The following DISP3 variants were observed in gnomAD, a reference collection of about 807,000 sequenced individuals.
The protein encoded by DISP3 is dispatched RND transporter family member 3.
A neutral mutation model predicts 135.3 loss-of-function variants in DISP3; 101 were observed. The observed-to-expected ratio is 0.75, with a 90% CI of 0.64 to 0.88. The LOEUF (loss-of-function observed/expected upper bound fraction) is 0.88, where lower values mean the gene tolerates loss of function less well. DISP3 is among the 40% of genes least tolerant of loss of function. DISP3 has a pLI of 0.00. For missense variants in DISP3, 1,713 were observed against 1,878.6 expected (o/e 0.91, Z 1.63); for synonymous variants, 856 against 817.0 (o/e 1.05, Z -0.81).
chr1:11,481,225 T>G (rs1298229240), intron 1 of DISP3: 1 of 152,188 alleles, frequency 6.6e-6, no homozygotes, highest in African/African-American at 2.4e-5. Flanking sequence ...GGGAGCTGAC[T>G]CCATTCTCTC....
rs1641358585 is a variant in DISP3 at position 11,497,194 on chromosome 1, T to TA, written c.-3-3788dup. Among the ~76,000 whole-genome samples, 4 of 151,946 alleles carry TA rather than the reference T, an allele frequency of 2.6e-5. No homozygotes were observed. The South Asian group carries it at 8.3e-4, about 32-fold the overall frequency. On this transcript the variant is annotated intron_variant, in intron 1 of 20. Coordinates refer to ENST00000294484, the MANE Select transcript of DISP3 (RefSeq NM_020780.2). ...TCTGTCCAGGGGAAAGTTCTTTTTT[T>TA]AAAAAAAATTAAAATTTTAAAAAAT...
intron 6 of DISP3, 32 bp from the exon 7 acceptor site, chr1:11,517,431 T>C: frequency 6.2e-7 from 1 of 1,611,834 alleles, no homozygotes; most frequent in Non-Finnish European, 8.5e-7. Context: ...GTCCAACCTG[T>C]CCCACATCCC....
Position 11,479,340 on chromosome 1 carries a change from G to A in DISP3, c.-36G>A, listed in dbSNP as rs1640825968. The A allele has an allele frequency of 6.5e-6, 1 of 154,194 alleles. No individual in the cohort carries two copies. Among genetic ancestry groups the A allele is most frequent in the South Asian group, 2.1e-4 (1 of 4,828 alleles). The allele number at this position is 154,194 out of a possible 1,614,324, so 9.6% of individuals were successfully genotyped here. A position where few individuals can be genotyped will look rare whatever the true frequency, so the allele number is the denominator to read the frequency against. On this transcript the variant is annotated 5_prime_UTR_variant, in exon 1 of 21. Coordinates refer to ENST00000294484, the MANE Select transcript of DISP3 (RefSeq NM_020780.2). The stretch of plus-strand genomic sequence containing the variant: ...CCTCTGCGCACTCTCTCCCGCGCCG[G>A]CGGCTCAGCCTAGCCCCGTTCGGCC...
Position 11,522,429 on chromosome 1 carries a change from C to A in DISP3, c.2363-1513C>A, listed in dbSNP as rs567598612. ...CCACGTCCCCAGCTCCTCTACCCCACTGCCAGGATGTGGCATTGCTCCCCA... is the reference window on the plus strand; with the variant it reads ...CCACGTCCCCAGCTCCTCTACCCCAATGCCAGGATGTGGCATTGCTCCCCA... On this transcript the variant is annotated intron_variant, in intron 10 of 20. Transcript: ENST00000294484. Among the ~76,000 whole-genome samples the A allele has an allele frequency of 4.6e-5, 7 of 152,316 alleles. No homozygotes were observed. The East Asian group carries it at 1.3e-3, about 29-fold the overall frequency.
At chr1:11,495,666 T>C (rs1423553119) in intron 1 of DISP3, among the ~76,000 whole-genome samples, 1 of 152,222 alleles carries the variant, frequency 6.6e-6, no homozygotes, top group Non-Finnish European at 1.5e-5. Context: ...AGGTCTCTTC[T>C]GGGTCCAGTG....
At chr1:11,527,374 T>C (rs773096853) in intron 13 of DISP3, among the ~76,000 whole-genome samples, 14 of 151,790 alleles carry the variant, frequency 9.2e-5, no homozygotes, top group Non-Finnish European at 1.8e-4. Flanking sequence ...ACAGTGAAAC[T>C]CCTTCTCTAC....
rs547880834 is a variant in DISP3 at position 11,528,823 on chromosome 1, C to T, written c.2799-733C>T. ...GGAGACTGGTCTCTGACGGGGCTAG[C>T]TTTGGAGTGTCAAACACCCACAGGA... On this transcript the variant is annotated intron_variant, in intron 13 of 20. Transcript: ENST00000294484. 7.2e-5 allele frequency among the ~76,000 whole-genome samples: 11 copies of T among 152,326 alleles called. No homozygotes were observed. The East Asian group carries it at 2.1e-3, about 29-fold the overall frequency.
chr1:11,490,686 A>T (rs919045559), intron 1 of DISP3, among the ~76,000 whole-genome samples: 5 of 152,150 alleles, frequency 3.3e-5, no homozygotes, highest in African/African-American at 1.2e-4. Flanking sequence ...TTGTGCAGGC[A>T]GGGGCAGGAG....
In DISP3 at chr1:11,501,629, C is replaced by G. The variant is rs1353356448; in HGVS notation, c.637C>G (p.Leu213Val). The G allele has an allele frequency of 2.5e-6, 4 of 1,608,486 alleles. No homozygotes were observed. The highest frequency in any genetic ancestry group is 3.4e-6 in the Non-Finnish European group (4 of 1,177,730). ...GCGTGAGACCCCGCCCCTGGAGGAT[C>G]TGGCAGCCAACCAGAGTGAAGACCC... ...LRRETPPLED[L>V]AANQSEDPRN... Residue 213 changes from leucine to valine, a missense_variant, in exon 2 of 21, where the codon CTG (leucine) becomes GTG (valine). Around this residue, in one of 2 missense-constraint regions of DISP3, gnomAD observed 571 missense variants for 494.1 expected, o/e 1.16. Coordinates refer to ENST00000294484, the MANE Select transcript of DISP3 (RefSeq NM_020780.2). The surrounding 1 kb of genome is among the most constrained non-coding windows in gnomAD (Gnocchi z 4.9).
chr1:11,523,778 A>G (rs1300835626), intron 10 of DISP3, among the ~76,000 whole-genome samples, 164 bp from the exon 11 acceptor site: 1 of 152,004 alleles, frequency 6.6e-6, no homozygotes, highest in Non-Finnish European at 1.5e-5. Flanking sequence ...TGATTTTTTA[A>G]AAGTTCTTTC....
chr1:11,519,802 C>T lies in DISP3; in HGVS notation c.2122C>T (p.His708Tyr). The change falls in exon 9 of 21, where the codon CAT becomes TAT. Residue 708 changes from histidine (H) to tyrosine (Y), a missense_variant. Physicochemically the swap from His to Tyr is moderately conservative, Grantham distance 83. Transcript: ENST00000294484. The surrounding 1 kb of genome is among the most constrained non-coding windows in gnomAD (Gnocchi z 4.3). ...AGCCTCCAACACGGGCAGCCGCGGC[C>T]ATCTCATCGTGCAGCTGCAGGAGCT... is the stretch of plus-strand genomic sequence containing the variant. ...QPASNTGSRG[H>Y]LIVQLQELLH... The T allele has an allele frequency of 6.2e-7, 1 of 1,613,010 alleles. No individual in the cohort carries two copies. Among genetic ancestry groups the T allele is most frequent in the Non-Finnish European group, 8.5e-7 (1 of 1,180,004 alleles).
chr1:11,535,688 C>T, intron 20 of DISP3, 44 bp downstream of exon 20: 1 of 1,576,620 alleles, frequency 6.3e-7, no homozygotes, highest in South Asian at 1.2e-5. Flanking sequence ...CACATTGGGT[C>T]TTCTCCCACC....
chr1:11,520,435 C>T lies in DISP3; in HGVS notation c.2201-252C>T, dbSNP rs1039126247. ...TGAGGTGCTCTGAGGTGGTGGCCGCCTCTTGTCCAGGAGTATTAGATTATA... is the reference window on the plus strand; with the variant it reads ...TGAGGTGCTCTGAGGTGGTGGCCGCTTCTTGTCCAGGAGTATTAGATTATA... On this transcript the variant is annotated intron_variant, in intron 9 of 20. Transcript: ENST00000294484. This position sits in a 1 kb window ranked among gnomAD's most constrained non-coding sequence, Gnocchi z 4.8. Among the ~76,000 whole-genome samples, 2 of 152,198 alleles carry T rather than the reference C, an allele frequency of 1.3e-5. No homozygotes were observed. Among genetic ancestry groups the T allele is most frequent in the Non-Finnish European group, 2.9e-5 (2 of 68,028 alleles).
chr1:11,502,574 G>A, intron 2 of DISP3, 104 bp from the exon 3 acceptor site: 1 of 896,080 alleles, frequency 1.1e-6, no homozygotes, highest in Non-Finnish European at 1.7e-6. Context: ...ATGGACAGGG[G>A]GAATCCTGGG....
chr1:11,509,514 G>A (rs773672155), intron 3 of DISP3, among the ~76,000 whole-genome samples: 120 of 152,040 alleles, frequency 7.9e-4, no homozygotes, highest in African/African-American at 2.8e-3. Context: ...ATCTACAATC[G>A]GGGCATTGTC....
At position 11,529,090 on chromosome 1, in the gene DISP3, A is replaced by G. The variant is rs1377971674; in HGVS notation, c.2799-466A>G. On this transcript the variant is annotated intron_variant, in intron 13 of 20. Transcript: ENST00000294484. This position sits in a 1 kb window ranked among gnomAD's most constrained non-coding sequence, Gnocchi z 4.7. ...AAGAACTTTGAGCTGCACTGGGTCT[A>G]GTGGTTAGCCAGCTGTTGACACTGG... Among the ~76,000 whole-genome samples the G allele has an allele frequency of 6.6e-6, 1 of 152,186 alleles. No individual in the cohort carries two copies. Among genetic ancestry groups the G allele is most frequent in the Non-Finnish European group, 1.5e-5 (1 of 68,020 alleles).
At position 11,529,505 on chromosome 1, in the gene DISP3, T is replaced by C; in HGVS notation, c.2799-51T>C. The C allele has an allele frequency of 6.6e-7, 1 of 1,521,364 alleles. No individual in the cohort carries two copies. Among genetic ancestry groups the C allele is most frequent in the Middle Eastern group, 1.8e-4 (1 of 5,614 alleles). The allele number at this position is 1,521,364 out of a possible 1,614,324, so 94.2% of individuals were successfully genotyped here. ...CCTGGCCTGCTGGCCTCACCTCCCCTGACTCCTCCTAGCCTTTCCGGCCTC... is the reference window on the plus strand; with the variant it reads ...CCTGGCCTGCTGGCCTCACCTCCCCCGACTCCTCCTAGCCTTTCCGGCCTC... On this transcript the variant is annotated intron_variant, in intron 13 of 20. Coordinates refer to ENST00000294484, the MANE Select transcript of DISP3 (RefSeq NM_020780.2). The surrounding 1 kb of genome is among the most constrained non-coding windows in gnomAD (Gnocchi z 4.7).
rs529379955 is a variant in DISP3 at position 11,519,924 on chromosome 1, C to G, written c.2200+44C>G. 24 of 1,558,206 alleles carry G rather than the reference C, an allele frequency of 1.5e-5. No homozygotes were observed. In the African/African-American group the frequency reaches 1.8e-4, roughly 11 times the overall value. ...CCTGCCCCCTGTCTCACAGCTCCACCCCCAAAACACACAGGAACTGGGAGC... is the reference window on the plus strand; with the variant it reads ...CCTGCCCCCTGTCTCACAGCTCCACGCCCAAAACACACAGGAACTGGGAGC... On this transcript the variant is annotated intron_variant, in intron 9 of 20. Coordinates refer to ENST00000294484, the MANE Select transcript of DISP3 (RefSeq NM_020780.2). This position sits in a 1 kb window ranked among gnomAD's most constrained non-coding sequence, Gnocchi z 4.3.
chr1:11,479,783 T>G (rs1557586237), intron 1 of DISP3, among the ~76,000 whole-genome samples: 1 of 152,196 alleles, frequency 6.6e-6, no homozygotes, highest in Non-Finnish European at 1.5e-5. Flanking sequence ...CTCTCGCCCA[T>G]GCTAGAGCGG....
Sources: gnomAD v4.1 joint callset for allele counts (sites outside exome capture counted in the v4.1 genomes callset) on GRCh38, gnomAD v4.1.1 for gene constraint, gnomAD v4.1.1 regional missense constraint, Gnocchi (gnomAD v3.1) non-coding constraint, MANE v1.5 for transcripts, NCBI Gene and HGNC (gene_info 2026-07-23, HGNC 2026-07-21) for gene names.